The following CFAP299 variants were observed in gnomAD, a reference collection of about 807,000 sequenced individuals.
CFAP299 encodes the protein cilia and flagella associated protein 299, also known as cilia- and flagella-associated protein 299.
CFAP299 carries 21 observed loss-of-function variants against 27.0 expected under a neutral mutation model. The observed-to-expected ratio is 0.78, with a 90% CI of 0.55 to 1.12. The LOEUF is 1.12. CFAP299 is among the 50% of genes most tolerant of loss of function. The pLI, the probability that CFAP299 is intolerant of heterozygous loss-of-function variation, is 0.00. For synonymous variants in CFAP299, 104 were observed against 98.1 expected (o/e 1.06, Z -0.36); for missense variants, 310 against 276.6 (o/e 1.12, Z -0.86).
intron 3 of CFAP299, among the ~76,000 whole-genome samples, chr4:80,799,140 A>G (rs916598765): frequency 8.2e-6 from 1 of 121,510 alleles, no homozygotes. Flanking sequence ...ATTTATATAT[A>G]TATTATATAA....
intron 3 of CFAP299, among the ~76,000 whole-genome samples, chr4:80,646,665 A>C (rs1301590183): frequency 6.6e-6 from 1 of 152,166 alleles, no homozygotes; most frequent in Non-Finnish European, 1.5e-5. Context: ...ATTCTTATTG[A>C]CAGAAACCAT....
At chr4:80,530,340 A>G (rs1733405321) in intron 2 of CFAP299, among the ~76,000 whole-genome samples, 1 of 152,188 alleles carries the variant, frequency 6.6e-6, no homozygotes, top group South Asian at 2.1e-4. Flanking sequence ...TGAAATTGTC[A>G]AGTGAAACAA....
chr4:80,496,985 C>T (rs1731479760), intron 2 of CFAP299, among the ~76,000 whole-genome samples: 1 of 152,174 alleles, frequency 6.6e-6, no homozygotes, highest in South Asian at 2.1e-4. Context: ...ACAAAGACAG[C>T]ACCAAAGGCT....
At chr4:80,498,581 TA>T (rs35100793) in intron 2 of CFAP299, among the ~76,000 whole-genome samples, 45,985 of 148,330 alleles carry the variant, frequency 0.31, 9,512 homozygotes, top group African/African-American at 0.6. Context: ...TATTAAAAAG[TA>T]AAAAAAAAAA....
intron 2 of CFAP299, among the ~76,000 whole-genome samples, chr4:80,480,082 A>T (rs1730477807): frequency 6.6e-6 from 1 of 151,234 alleles, no homozygotes; most frequent in South Asian, 2.1e-4. Flanking sequence ...GTACCAGTGC[A>T]TTTTTTTTTA....
chr4:80,857,516 C>G (rs915011348), intron 3 of CFAP299, among the ~76,000 whole-genome samples: 61 of 152,158 alleles, frequency 4.0e-4, no homozygotes, highest in Admixed American at 7.2e-4. Flanking sequence ...AGTTTTTGCC[C>G]ATTCAGTATG....
At chr4:80,326,403 A>G in the CFAP299 span, among the ~76,000 whole-genome samples, 1 of 152,230 alleles carries the variant, frequency 6.6e-6, no homozygotes, top group Non-Finnish European at 1.5e-5. Flanking sequence ...GTATATACAT[A>G]TTCAGTATAT....
chr4:80,641,676 C>T (rs1467249439), intron 3 of CFAP299, among the ~76,000 whole-genome samples: 2 of 152,110 alleles, frequency 1.3e-5, no homozygotes, highest in African/African-American at 4.8e-5. Flanking sequence ...TGACGTACAG[C>T]TTATATTTCA....
At chr4:80,387,691 T>C (rs1725092601) in intron 2 of CFAP299, 2 of 1,577,556 alleles carry the variant, frequency 1.3e-6, no homozygotes, top group Non-Finnish European at 1.7e-6. Flanking sequence ...GGCAAAGGCA[T>C]GGCCACATGC....
chr4:80,437,700 G>A (rs1424400767), intron 2 of CFAP299, among the ~76,000 whole-genome samples: 1 of 152,172 alleles, frequency 6.6e-6, no homozygotes, highest in Non-Finnish European at 1.5e-5. Context: ...AAGATAGTCT[G>A]GAACAAAAGA....
intron 4 of CFAP299, among the ~76,000 whole-genome samples, chr4:80,885,349 G>A (rs1733920057): frequency 1.3e-5 from 2 of 152,206 alleles, no homozygotes; most frequent in South Asian, 4.1e-4. Context: ...CTTAGAGCCA[G>A]TGAACTACTG....
At chr4:80,324,816 A>G in the CFAP299 span, among the ~76,000 whole-genome samples, 1 of 152,122 alleles carries the variant, frequency 6.6e-6, no homozygotes, top group Non-Finnish European at 1.5e-5. Context: ...AGGTTTTAGG[A>G]GGGCGAGGTA....
intron 4 of CFAP299, among the ~76,000 whole-genome samples, chr4:80,882,495 G>A (rs76468202): frequency 6.6e-6 from 1 of 152,014 alleles, no homozygotes; most frequent in Non-Finnish European, 1.5e-5. Flanking sequence ...AAAATTAGCC[G>A]GGCGCGGTGG....
intron 3 of CFAP299, among the ~76,000 whole-genome samples, chr4:80,800,644 T>A (rs1169449875): frequency 1.0e-5 from 1 of 97,544 alleles, no homozygotes; most frequent in Non-Finnish European, 1.8e-5. Context: ...ATATATAATA[T>A]ATTAATATAT....
At chr4:80,703,382 T>A (rs1402295757) in intron 3 of CFAP299, among the ~76,000 whole-genome samples, 1 of 151,722 alleles carries the variant, frequency 6.6e-6, no homozygotes, top group Non-Finnish European at 1.5e-5. Flanking sequence ...TGTCTTTAGT[T>A]CTTTTGTGCA....
intron 5 of CFAP299, among the ~76,000 whole-genome samples, chr4:80,953,096 G>A (rs906217740): frequency 6.6e-6 from 1 of 152,132 alleles, no homozygotes; most frequent in African/African-American, 2.4e-5. Flanking sequence ...CAAACAAAAA[G>A]CTGAATAGAA....
intron 3 of CFAP299, among the ~76,000 whole-genome samples, chr4:80,787,789 G>A (rs1283203479): frequency 1.3e-5 from 2 of 151,672 alleles, no homozygotes; most frequent in Admixed American, 1.3e-4. Context: ...TCACTTTCTA[G>A]GGATATCAAA....
At chr4:80,926,362 T>C (rs2110214811) in intron 4 of CFAP299, among the ~76,000 whole-genome samples, 1 of 152,078 alleles carries the variant, frequency 6.6e-6, no homozygotes, top group East Asian at 1.9e-4. Context: ...TGATATGTTT[T>C]GAGATAATTG....
At chr4:80,788,917 G>A (rs891879885) in intron 3 of CFAP299, among the ~76,000 whole-genome samples, 3 of 152,058 alleles carry the variant, frequency 2.0e-5, no homozygotes, top group African/African-American at 7.2e-5. Context: ...ATTGGAATGA[G>A]TAAGCCTTTA....
Sources: allele counts gnomAD v4.1 joint callset (sites outside exome capture counted in the v4.1 genomes callset), GRCh38; gene constraint gnomAD v4.1.1; transcripts MANE v1.5; gene names NCBI Gene and HGNC (gene_info 2026-07-23, HGNC 2026-07-21).